The following SLC52A2 variants were observed in gnomAD, a reference collection of about 807,000 sequenced individuals.
The protein encoded by SLC52A2 is solute carrier family 52, riboflavin transporter, member 2.
A neutral mutation model predicts 24.8 loss-of-function variants in SLC52A2; 16 were observed. The observed-to-expected ratio is 0.64, with a 90% confidence interval of 0.44 to 0.98. The LOEUF is 0.98. SLC52A2 is among the 50% of genes least tolerant of loss of function. The probability of loss-of-function intolerance (pLI) is 0.00; values close to 1 mark genes in which losing one functional copy is unlikely to be tolerated. For missense variants in SLC52A2, 612 were observed against 575.9 expected, an observed-to-expected ratio of 1.06 and a Z score of -0.64; for synonymous variants, 335 against 276.3, an observed-to-expected ratio of 1.21 and a Z score of -2.11.
chr8:144,360,627 G>A lies in SLC52A2; in HGVS notation c.1039G>A (p.Val347Met), dbSNP rs145502954. Residue 347 changes from valine to methionine, a missense_variant, in exon 4 of 5, where the codon GTG becomes ATG. Transcript: ENST00000643944. ...GCTGGGCGGCCTCTCTCTGCTGGGC[G>A]TGTTCTGTGGGGGCTACCTGATGGC... is the stretch of plus-strand genomic sequence containing the variant. Reference protein sequence around the residue: ...AGLGGLSLLGVFCGGYLMALA... With the variant: ...AGLGGLSLLGMFCGGYLMALA... 1,095 of 1,604,110 alleles carry A rather than the reference G, an allele frequency of 6.8e-4. No homozygotes were observed. The highest frequency in any genetic ancestry group is 8.2e-4 in the Non-Finnish European group (967 of 1,179,576).
rs782034472 is a variant in SLC52A2, at chr8:144,360,626, C to A, written c.1038C>A (p.Gly346=). 1.2e-6 allele frequency: 2 copies of A among 1,603,818 alleles called. No individual in the cohort carries two copies. Among genetic ancestry groups the A allele is most frequent in the Non-Finnish European group, 1.7e-6 (2 of 1,179,536 alleles). The change falls in exon 4 of 5, where the codon GGC becomes GGA. Residue 346 remains glycine (G), a synonymous_variant. Transcript: ENST00000643944. ...GGCTGGGCGGCCTCTCTCTGCTGGG[C>A]GTGTTCTGTGGGGGCTACCTGATGG... ...LAGLGGLSLL[G]VFCGGYLMAL...
chr8:144,359,133 C>T (rs1818639691), intron 1 of SLC52A2, 51 bp from the exon 2 acceptor site: 5 of 1,157,882 alleles, frequency 4.3e-6, no homozygotes, highest in Non-Finnish European at 5.9e-6. Flanking sequence ...CTGGTCTCAC[C>T]CTGTTCTGAC....
chr8:144,360,618 C>T lies in SLC52A2; in HGVS notation c.1030C>T (p.Leu344=). The T allele has an allele frequency of 6.2e-7, 1 of 1,603,602 alleles. No homozygotes were observed. ...RSLAGLGGLS[L]LGVFCGGYLM... is the part of the protein sequence containing the mutation. ...CTTGGCAGGGCTGGGCGGCCTCTCT[C>T]TGCTGGGCGTGTTCTGTGGGGGCTA... The change falls in exon 4 of 5, where the codon CTG becomes TTG. Residue 344 remains leucine, a synonymous_variant. Coordinates refer to ENST00000643944, the MANE Select transcript of SLC52A2 (RefSeq NM_001363118.2).
In SLC52A2 at chr8:144,359,839, C is replaced by G; in HGVS notation, c.347C>G (p.Ala116Gly). The change falls in exon 3 of 5, where the codon GCA becomes GGA. Residue 116 changes from alanine (A) to glycine (G), a missense_variant. By Grantham distance (60) the Ala-to-Gly change is moderately conservative (BLOSUM62 0). Coordinates refer to ENST00000643944, the MANE Select transcript of SLC52A2 (RefSeq NM_001363118.2). The part of the protein sequence containing the change: ...AGQLHSVAFL[A>G]LAFVLALACC... ...CAGTTGCATTCTGTGGCCTTCTTAG[C>G]ACTGGCCTTTGTGCTGGCACTGGCA... 1 of 1,613,714 alleles carries G rather than the reference C, an allele frequency of 6.2e-7. No individual in the cohort carries two copies.
chr8:144,360,435 G>C lies in SLC52A2; in HGVS notation c.943G>C (p.Val315Leu). Residue 315 changes from valine (V) to leucine (L), a missense_variant, in exon 3 of 5, where the codon GTG becomes CTG. By Grantham distance (32) the Val-to-Leu change is conservative. Coordinates refer to ENST00000643944, the MANE Select transcript of SLC52A2 (RefSeq NM_001363118.2). ...GCGTCTGGCCTACCACCTGGCTGTG[G>C]TGCTGGGCAGTGCTGCCAATCCCCT... ...YGRLAYHLAVVLGSAANPLAC... is the reference protein window; with the variant it reads ...YGRLAYHLAVLLGSAANPLAC... 1.2e-6 allele frequency: 2 copies of C among 1,605,628 alleles called. No homozygotes were observed. The highest frequency in any genetic ancestry group is 2.2e-5 in the South Asian group (2 of 91,080).
At position 144,358,955 on chromosome 8, in the gene SLC52A2, C is replaced by A. The variant is rs562491872; in HGVS notation, c.-221C>A. The A allele has an allele frequency of 1.2e-4, 35 of 283,832 alleles. No individual in the cohort carries two copies. Among genetic ancestry groups the A allele is most frequent in the Non-Finnish European group, 1.4e-4 (21 of 150,290 alleles). 17.6% of individuals were successfully genotyped at this position (283,832 alleles called of 1,614,324 possible). On this transcript the variant is annotated 5_prime_UTR_variant, in exon 1 of 5. Transcript: ENST00000643944. ...GGGTGGTGGTGGCGTTGACTCCAGC[C>A]CCGCCTCTCCCTGGAGAGGAGGGCT... is the stretch of plus-strand genomic sequence containing the variant.
rs781868543 is a variant in SLC52A2 at position 144,359,933 on chromosome 8, C to T, written c.441C>T (p.Phe147=). The change falls in exon 3 of 5, where the codon TTC becomes TTT. Residue 147 remains phenylalanine, a synonymous_variant. Transcript: ENST00000643944. ...TGCCACCTCGCTTCTTACGGTCATT[C>T]TTCCTGGGTCAAGGCCTGAGTGCCC... ...SHLPPRFLRS[F]FLGQGLSALL... is the part of the protein sequence containing the mutation. The T allele has an allele frequency of 4.3e-5, 70 of 1,613,490 alleles. No homozygotes were observed. In the East Asian group the frequency reaches 5.3e-4, roughly 12 times the overall value.
In SLC52A2 at chr8:144,359,248, G is replaced by A; in HGVS notation, c.-46G>A. 2.5e-6 allele frequency: 4 copies of A among 1,574,758 alleles called. No homozygotes were observed. The highest frequency in any genetic ancestry group is 3.4e-6 in the Non-Finnish European group (4 of 1,161,920). On this transcript the variant is annotated 5_prime_UTR_variant, in exon 2 of 5. Transcript: ENST00000643944. The stretch of plus-strand genomic sequence containing the variant: ...TCTGGCCCTAGGTGGGAAAAGAACT[G>A]GCTGTGACCTTTGCCCTGACCTGGA...
At chr8:144,358,579 C>T, upstream of SLC52A2, 4 of 1,159,866 alleles carry the variant, frequency 3.4e-6, no homozygotes, top group South Asian at 4.5e-5. Flanking sequence ...CGGTCGTGGG[C>T]CATGCCGGGG....
Position 144,361,131 on chromosome 8 carries a change from C to T in SLC52A2, c.*116C>T. ...ACACCGGTACACTCGTGGACACCTA[C>T]ACACTCCATAGGAGATCCTGGCTTT... On this transcript the variant is annotated 3_prime_UTR_variant, in exon 5 of 5. Coordinates refer to ENST00000643944, the MANE Select transcript of SLC52A2 (RefSeq NM_001363118.2). The T allele has an allele frequency of 1.8e-6, 2 of 1,084,268 alleles. No homozygotes were observed. Among genetic ancestry groups the T allele is most frequent in the Non-Finnish European group, 2.7e-6 (2 of 736,762 alleles). The allele number at this position is 1,084,268 out of a possible 1,614,324, so 67.2% of individuals were successfully genotyped here.
At chr8:144,359,570 T>G in intron 2 of SLC52A2, 53 bp from the exon 3 acceptor site, 1 of 1,602,932 alleles carries the variant, frequency 6.2e-7, no homozygotes, top group South Asian at 1.1e-5. Flanking sequence ...GCTTTGGCAC[T>G]CTTCCTCCCT....
At chr8:144,360,777 C>T in intron 4 of SLC52A2, 26 bp from the exon 5 acceptor site, 1 of 1,609,134 alleles carries the variant, frequency 6.2e-7, no homozygotes, top group Non-Finnish European at 8.5e-7. Flanking sequence ...ACATCTCACG[C>T]TCAGCTGGTG....
Position 144,360,659 on chromosome 8 carries a change from A to G in SLC52A2, c.1071A>G (p.Ala357=). The part of the protein sequence containing the change: ...VFCGGYLMAL[A]VLSPCPPLVG... The stretch of plus-strand genomic sequence containing the variant: ...GTGGGGGCTACCTGATGGCGCTGGC[A>G]GTCCTGAGCCCCTGCCCGCCCCTGG... The change falls in exon 4 of 5, where the codon GCA becomes GCG. Residue 357 remains alanine, a synonymous_variant. Coordinates refer to ENST00000643944, the MANE Select transcript of SLC52A2 (RefSeq NM_001363118.2). The G allele has an allele frequency of 6.2e-7, 1 of 1,603,888 alleles. No homozygotes were observed. The highest frequency in any genetic ancestry group is 8.5e-7 in the Non-Finnish European group (1 of 1,179,438).
At position 144,359,883 on chromosome 8, in the gene SLC52A2, A is replaced by C; in HGVS notation, c.391A>C (p.Thr131Pro). 1 of 1,613,556 alleles carries C rather than the reference A, an allele frequency of 6.2e-7. No individual in the cohort carries two copies. The highest frequency in any genetic ancestry group is 8.5e-7 in the Non-Finnish European group (1 of 1,179,960). Residue 131 changes from threonine (T) to proline (P), a missense_variant, in exon 3 of 5, where the codon ACT becomes CCT. By Grantham distance (38) the Thr-to-Pro change is conservative. Coordinates refer to ENST00000643944, the MANE Select transcript of SLC52A2 (RefSeq NM_001363118.2). ...LALACCASNV[T>P]FLPFLSHLPP... ...ACTGGCATGCTGTGCCTCGAATGTC[A>C]CTTTCCTGCCCTTCTTGAGCCACCT...
rs140003920 is a variant in SLC52A2, at chr8:144,359,876, G to A, written c.384G>A (p.Ser128=). The change falls in exon 3 of 5, where the codon TCG becomes TCA. Residue 128 remains serine (S), a synonymous_variant. Coordinates refer to ENST00000643944, the MANE Select transcript of SLC52A2 (RefSeq NM_001363118.2). ...AFVLALACCA[S]NVTFLPFLSH... is the part of the protein sequence containing the mutation. ...TGCTGGCACTGGCATGCTGTGCCTC[G>A]AATGTCACTTTCCTGCCCTTCTTGA... 4.6e-5 allele frequency: 75 copies of A among 1,613,640 alleles called. No homozygotes were observed. Among genetic ancestry groups the A allele is most frequent in the African/African-American group, 2.4e-4 (18 of 74,918 alleles).
chr8:144,361,239 C>G lies in SLC52A2; in HGVS notation c.*224C>G. The stretch of plus-strand genomic sequence containing the variant: ...GGTAAGCCCCTGAGCCTGGGACCTA[C>G]ATGTGGTTTGCGTAATAAAACATTT... On this transcript the variant is annotated 3_prime_UTR_variant, in exon 5 of 5. Coordinates refer to ENST00000643944, the MANE Select transcript of SLC52A2 (RefSeq NM_001363118.2). 1 of 559,696 alleles carries G rather than the reference C, an allele frequency of 1.8e-6. No individual in the cohort carries two copies. The highest frequency in any genetic ancestry group is 2.4e-5 in the South Asian group (1 of 41,126). 34.7% of individuals were successfully genotyped at this position (559,696 alleles called of 1,614,324 possible).
chr8:144,361,027 T>A lies in SLC52A2; in HGVS notation c.*12T>A. On this transcript the variant is annotated 3_prime_UTR_variant, in exon 5 of 5. Coordinates refer to ENST00000643944, the MANE Select transcript of SLC52A2 (RefSeq NM_001363118.2). Reference sequence around the variant, plus strand: ...CCTGTGACTCCTGAGCCTGGGCAGGTGGGGACCCCGCTCCCCAACACCTGT... The same window carrying A: ...CCTGTGACTCCTGAGCCTGGGCAGGAGGGGACCCCGCTCCCCAACACCTGT... The A allele has an allele frequency of 5.6e-6, 9 of 1,607,804 alleles. No individual in the cohort carries two copies. The highest frequency in any genetic ancestry group is 7.7e-6 in the Non-Finnish European group (9 of 1,175,946).
rs1554854102 is a variant in SLC52A2, at chr8:144,360,125, C to G, written c.633C>G (p.Phe211Leu). The change falls in exon 3 of 5, where the codon TTC becomes TTG. Residue 211 changes from phenylalanine to leucine, a missense_variant. Coordinates refer to ENST00000643944, the MANE Select transcript of SLC52A2 (RefSeq NM_001363118.2). ...TTCTGGTCGCTTCAGCTGCTGCCTTCCAGGGTCTTCTGCTGCTGTTGCCGC... is the reference window on the plus strand; with the variant it reads ...TTCTGGTCGCTTCAGCTGCTGCCTTGCAGGGTCTTCTGCTGCTGTTGCCGC... Reference protein sequence around the residue: ...TALLVASAAAFQGLLLLLPPP... With the variant: ...TALLVASAAALQGLLLLLPPP... The G allele has an allele frequency of 1.2e-6, 2 of 1,613,004 alleles. No homozygotes were observed. The highest frequency in any genetic ancestry group is 1.7e-6 in the Non-Finnish European group (2 of 1,180,028).
chr8:144,359,889 C>A lies in SLC52A2; in HGVS notation c.397C>A (p.Leu133Met), dbSNP rs782582813. 42 of 1,613,656 alleles carry A rather than the reference C, an allele frequency of 2.6e-5. No individual in the cohort carries two copies. Among genetic ancestry groups the A allele is most frequent in the Non-Finnish European group, 3.4e-5 (40 of 1,180,040 alleles). Residue 133 changes from leucine to methionine, a missense_variant, in exon 3 of 5, where the codon CTG becomes ATG. Physicochemically the swap from Leu to Met is conservative, Grantham distance 15. Coordinates refer to ENST00000643944, the MANE Select transcript of SLC52A2 (RefSeq NM_001363118.2). Reference protein sequence around the residue: ...LACCASNVTFLPFLSHLPPRF... With the variant: ...LACCASNVTFMPFLSHLPPRF... ...ATGCTGTGCCTCGAATGTCACTTTC[C>A]TGCCCTTCTTGAGCCACCTGCCACC...
Sources: allele counts gnomAD v4.1 joint callset, GRCh38; gene constraint gnomAD v4.1.1; transcripts MANE v1.5; gene names NCBI Gene and HGNC (gene_info 2026-07-23, HGNC 2026-07-21).